LCORL: variants seen among roughly 807,000 people sequenced by gnomAD.
LCORL encodes ligand-dependent nuclear receptor corepressor-like protein.
LCORL carries 41 observed loss-of-function variants against 141.8 expected under a neutral mutation model. The observed-to-expected ratio is 0.29, with a 90% CI of 0.23 to 0.38. The LOEUF is 0.38. LCORL is among the 10% of genes least tolerant of loss of function. The pLI is 1.00. For missense variants in LCORL, 1,759 were observed against 2,035.0 expected (o/e 0.86, Z 2.61); for synonymous variants, 618 against 694.1 (o/e 0.89, Z 1.72).
chr4:17,931,373 ATTTAC>A (rs1736011503), intron 4 of LCORL, among the ~76,000 whole-genome samples: 1 of 150,542 alleles, frequency 6.6e-6, no homozygotes, highest in South Asian at 2.1e-4. Context: ...CTTTATTCGG[ATTTAC>A]TTTGCGATTT....
At chr4:18,010,237 TTTAC>T (rs66751826) in intron 1 of LCORL, among the ~76,000 whole-genome samples, 19,182 of 152,076 alleles carry the variant, frequency 0.13, 1,329 homozygotes, top group South Asian at 0.26. Flanking sequence ...AAACATGCAT[TTTAC>T]TTAAGTATCT....
rs760667644 is a variant in LCORL, at chr4:17,845,871, C to T, written c.*17G>A. On this transcript the variant is annotated 3_prime_UTR_variant, in exon 8 of 8. Coordinates refer to ENST00000635767, the Ensembl canonical transcript of LCORL. ...TTGCTGTATTCTCATCAGACACATT[C>T]AGTTTCTCATCAGTTTTCACTTGTA... 17 of 1,611,994 alleles carry T rather than the reference C, an allele frequency of 1.1e-5. No individual in the cohort carries two copies. In the East Asian group the frequency reaches 3.8e-4, roughly 36 times the overall value.
At chr4:18,004,241 CAT>C (rs1722432558) in intron 1 of LCORL, among the ~76,000 whole-genome samples, 1 of 152,202 alleles carries the variant, frequency 6.6e-6, no homozygotes, top group African/African-American at 2.4e-5. Flanking sequence ...TATGTGAAAA[CAT>C]ATTATTCATA....
intron 5 of LCORL, among the ~76,000 whole-genome samples, chr4:17,900,575 G>A (rs1730711230): frequency 6.6e-6 from 1 of 152,048 alleles, no homozygotes; most frequent in African/African-American, 2.4e-5. Context: ...AAAATTATGG[G>A]CATGCTGACA....
intron 7 of LCORL, among the ~76,000 whole-genome samples, chr4:17,866,581 T>C (rs1428864319): frequency 1.3e-5 from 2 of 152,062 alleles, no homozygotes; most frequent in Non-Finnish European, 2.9e-5. Context: ...ATTTTCCAGG[T>C]TGCCTGGAAC....
intron 4 of LCORL, among the ~76,000 whole-genome samples, chr4:17,918,031 G>A (rs1733730250): frequency 6.6e-6 from 1 of 152,158 alleles, no homozygotes; most frequent in Admixed American, 6.5e-5. Flanking sequence ...GACACATGGA[G>A]CCCCCATGGC....
At chr4:17,845,434 C>T (rs567057528) in exon 8 of LCORL, 2 of 238,372 alleles carry the variant, frequency 8.4e-6, no homozygotes, top group African/African-American at 2.3e-5. Flanking sequence ...ACTTTGTGCA[C>T]AGAAATAAAA....
chr4:17,923,443 C>T (rs1344033775), intron 4 of LCORL, among the ~76,000 whole-genome samples: 2 of 152,158 alleles, frequency 1.3e-5, no homozygotes, highest in East Asian at 1.9e-4. Context: ...GTCAGGAGTT[C>T]GAGACCAGCC....
intron 7 of LCORL, among the ~76,000 whole-genome samples, chr4:17,864,814 T>C (rs1319584930): frequency 1.3e-5 from 2 of 152,212 alleles, no homozygotes; most frequent in African/African-American, 2.4e-5. Flanking sequence ...AGATACACTA[T>C]GATAACAGTA....
chr4:17,876,589 CT>C lies in LCORL; in HGVS notation c.2400del (p.Val801TyrfsTer11). On this transcript the variant is annotated frameshift_variant, in exon 7 of 8. Transcript: ENST00000635767. LOFTEE classifies it high-confidence loss of function. ...TCGTTTTTTGTTGTGGATTCGGATACTTTTTTGGCTTTAGGGGATTTTTTAA... is the reference window on the plus strand; with the variant it reads ...TCGTTTTTTGTTGTGGATTCGGATACTTTTTGGCTTTAGGGGATTTTTTAA... The C allele has an allele frequency of 8.1e-7, 1 of 1,230,636 alleles. No homozygotes were observed. The highest frequency in any genetic ancestry group is 1.0e-6 in the Non-Finnish European group (1 of 987,000). The allele number at this position is 1,230,636 out of a possible 1,614,324, so 76.2% of individuals were successfully genotyped here.
chr4:18,020,838 G>C (rs1339190808), intron 1 of LCORL: 3 of 152,414 alleles, frequency 2.0e-5, no homozygotes, highest in African/African-American at 7.2e-5. Context: ...AAGCAGACGG[G>C]GGGGAGGGTG....
At chr4:17,980,929 A>C (rs1196442772) in intron 1 of LCORL, among the ~76,000 whole-genome samples, 1 of 152,168 alleles carries the variant, frequency 6.6e-6, no homozygotes, top group African/African-American at 2.4e-5. Flanking sequence ...GTTCATCCCA[A>C]AACCATGCCC....
chr4:17,954,285 G>C (rs377551407), intron 4 of LCORL, among the ~76,000 whole-genome samples: 1 of 152,184 alleles, frequency 6.6e-6, no homozygotes, highest in Admixed American at 6.5e-5. Flanking sequence ...ATGATATGAA[G>C]AAGTTAGCAA....
intron 1 of LCORL, among the ~76,000 whole-genome samples, chr4:17,994,626 A>G (rs1720604892): frequency 6.6e-6 from 1 of 152,142 alleles, no homozygotes; most frequent in African/African-American, 2.4e-5. Flanking sequence ...ACTCTACTTC[A>G]TCACCTGTAA....
intron 7 of LCORL, among the ~76,000 whole-genome samples, chr4:17,866,144 C>T (rs139282380): frequency 1.5e-3 from 230 of 152,294 alleles, no homozygotes; most frequent in Non-Finnish European, 2.2e-3. Flanking sequence ...CACCTCTAAC[C>T]TGCCAAGAAT....
chr4:18,009,879 C>G (rs1253999663), intron 1 of LCORL, among the ~76,000 whole-genome samples: 1 of 152,160 alleles, frequency 6.6e-6, no homozygotes, highest in Non-Finnish European at 1.5e-5. Flanking sequence ...GTTCTGAGAT[C>G]CCACTCCTCT....
chr4:18,014,394 G>C (rs1037020962), intron 1 of LCORL, among the ~76,000 whole-genome samples: 1 of 152,032 alleles, frequency 6.6e-6, no homozygotes, highest in Non-Finnish European at 1.5e-5. Context: ...ACTATTGGTT[G>C]TAAGTCAGAC....
rs900787058 is a variant in LCORL, at chr4:17,897,231, T to C, written c.683-11070A>G. Among the ~76,000 whole-genome samples the C allele has an allele frequency of 9.3e-3, 1,243 of 133,112 alleles. 69 individuals are homozygous for C. In the East Asian group the frequency reaches 0.11, roughly 12 times the overall value. The allele number at this position is 133,112 out of a possible 152,430, so 87.3% of individuals were successfully genotyped here. Reference sequence around the variant, plus strand: ...CTGATTTCTTTTTTTTTTTTTTTTTTTTTTTTTTTTTTTTTTTTTTAGGGT... The same window carrying C: ...CTGATTTCTTTTTTTTTTTTTTTTTCTTTTTTTTTTTTTTTTTTTTAGGGT... On this transcript the variant is annotated intron_variant, in intron 5 of 7. Coordinates refer to ENST00000635767, the Ensembl canonical transcript of LCORL.
chr4:17,941,852 A>AT (rs10716443), intron 4 of LCORL, among the ~76,000 whole-genome samples: 1,455 of 145,246 alleles, frequency 0.01, 33 homozygotes, highest in Admixed American at 0.055. Flanking sequence ...CCATGATAGA[A>AT]TTTTTTTTTT....
Sources: gnomAD v4.1 joint callset for allele counts (sites outside exome capture counted in the v4.1 genomes callset) on GRCh38, gnomAD v4.1.1 for gene constraint, MANE v1.5 for transcripts, NCBI Gene and HGNC (gene_info 2026-07-23, HGNC 2026-07-21) for gene names.